The following UVRAG variants were observed in gnomAD, a reference collection of about 807,000 sequenced individuals.
UVRAG encodes the protein UV radiation resistance associated, also known as UV radiation resistance-associated gene protein.
In UVRAG, 19 loss-of-function variants were observed where a neutral mutation model predicts 78.0. The observed-to-expected ratio is 0.24, with a 90% CI of 0.17 to 0.36. The LOEUF (loss-of-function observed/expected upper bound fraction) is 0.36, where lower values mean the gene tolerates loss of function less well. Among genes scored for constraint, UVRAG ranks in the 10% least tolerant of loss-of-function variants. The probability of loss-of-function intolerance (pLI) is 1.00; values close to 1 mark genes in which losing one functional copy is unlikely to be tolerated. For missense variants in UVRAG, 740 were observed against 853.8 expected (o/e 0.87, Z 1.66); for synonymous variants, 323 against 324.6 (o/e 1.00, Z 0.05).
intron 7 of UVRAG, among the ~76,000 whole-genome samples, chr11:75,978,245 T>C (rs1949297634): frequency 6.6e-6 from 1 of 152,224 alleles, no homozygotes; most frequent in Admixed American, 6.5e-5. Flanking sequence ...CCGCTGTTAG[T>C]CTGATGGGCT....
At chr11:75,875,578 G>A (rs1480748662) in intron 3 of UVRAG, among the ~76,000 whole-genome samples, 2 of 144,580 alleles carry the variant, frequency 1.4e-5, no homozygotes, top group Admixed American at 6.9e-5. Context: ...TGCTAAATGC[G>A]TATCAGATCT....
At chr11:76,065,350 G>A (rs1434427440) in intron 12 of UVRAG, among the ~76,000 whole-genome samples, 1 of 152,164 alleles carries the variant, frequency 6.6e-6, no homozygotes. Flanking sequence ...AAGTTGAGAT[G>A]TCAGGTCCAA....
chr11:75,857,638 T>C (rs12223234), intron 2 of UVRAG, among the ~76,000 whole-genome samples: 30,161 of 151,894 alleles, frequency 0.2, 4,717 homozygotes, highest in African/African-American at 0.43. Context: ...TACAGGTGTA[T>C]GCCACCACGC....
At chr11:75,955,778 C>G (rs1948784634) in intron 6 of UVRAG, among the ~76,000 whole-genome samples, 2 of 152,150 alleles carry the variant, frequency 1.3e-5, no homozygotes, top group Admixed American at 1.3e-4. Flanking sequence ...AGTCCAGCTA[C>G]TCAGAAGGCT....
At chr11:75,908,712 CTTTTTTTTTTTTT>C (rs1024795820) in intron 5 of UVRAG, among the ~76,000 whole-genome samples, 7 of 45,452 alleles carry the variant, frequency 1.5e-4, no homozygotes, top group African/African-American at 5.2e-4. Flanking sequence ...TGGTTCTGGG[CTTTTTTTTTTTTT>C]TTTTTTTTTT....
Position 75,815,288 on chromosome 11 carries a change from C to T in UVRAG, c.-120C>T, listed in dbSNP as rs1044541721. On this transcript the variant is annotated 5_prime_UTR_variant, in exon 1 of 15. Transcript: ENST00000356136. ...GGCGGCGGCTACTGTCTGGGCTGAG[C>T]AGTAGTGCCTCTCGGGTGGCGGGTT... The T allele has an allele frequency of 3.9e-6, 2 of 509,810 alleles. No homozygotes were observed. The highest frequency in any genetic ancestry group is 6.3e-6 in the Non-Finnish European group (2 of 317,934). The allele number at this position is 509,810 out of a possible 1,614,324, so 31.6% of individuals were successfully genotyped here.
intron 10 of UVRAG, among the ~76,000 whole-genome samples, chr11:76,007,938 C>T (rs938546650): frequency 1.1e-4 from 17 of 150,818 alleles, no homozygotes; most frequent in African/African-American, 3.9e-4. Flanking sequence ...GACGGAGTTT[C>T]GCTCTGTCAC....
At chr11:76,046,983 A>G (rs1182067620) in intron 12 of UVRAG, among the ~76,000 whole-genome samples, 3 of 152,146 alleles carry the variant, frequency 2.0e-5, no homozygotes, top group African/African-American at 7.2e-5. Context: ...AAAAACATTG[A>G]TTTTTAAGTG....
At chr11:76,084,503 T>C (rs570663668) in intron 13 of UVRAG, among the ~76,000 whole-genome samples, 6 of 152,314 alleles carry the variant, frequency 3.9e-5, no homozygotes, top group Admixed American at 6.5e-5. Context: ...ATACATACTA[T>C]CATTTATTTT....
At chr11:75,998,177 C>T (rs942196213) in intron 8 of UVRAG, among the ~76,000 whole-genome samples, 13 of 152,192 alleles carry the variant, frequency 8.5e-5, no homozygotes, top group African/African-American at 2.9e-4. Context: ...TAGTTGTCAA[C>T]AGGACCAGCT....
chr11:76,007,647 T>C, intron 10 of UVRAG, 26 bp downstream of exon 10: 1 of 1,588,880 alleles, frequency 6.3e-7, no homozygotes, highest in Non-Finnish European at 8.6e-7. Context: ...TCTGAAAATA[T>C]TTTTCGTTTT....
In UVRAG at chr11:76,042,299, C is replaced by G. The variant is rs1950662237; in HGVS notation, c.1227-23411C>G. Reference sequence around the variant, plus strand: ...CTATGGAGTGAAAAAAAGTAAGTTGCAGAATGGTACGTATGGTTCATTGTT... The same window carrying G: ...CTATGGAGTGAAAAAAAGTAAGTTGGAGAATGGTACGTATGGTTCATTGTT... On this transcript the variant is annotated intron_variant, in intron 12 of 14. Coordinates refer to ENST00000356136, the MANE Select transcript of UVRAG (RefSeq NM_003369.4). Among the ~76,000 whole-genome samples, 3 of 152,050 alleles carry G rather than the reference C, an allele frequency of 2.0e-5. No homozygotes were observed. In the South Asian group the frequency reaches 6.2e-4, roughly 32 times the overall value.
Position 75,815,349 on chromosome 11 carries a change from G to GGGC in UVRAG, c.-50_-48dup. The GGGC allele has an allele frequency of 2.1e-6, 2 of 943,014 alleles. No individual in the cohort carries two copies. Among genetic ancestry groups the GGGC allele is most frequent in the Non-Finnish European group, 1.4e-6 (1 of 719,712 alleles). 58.4% of individuals were successfully genotyped at this position (943,014 alleles called of 1,614,324 possible). A position where few individuals can be genotyped will look rare whatever the true frequency, so the allele number is the denominator to read the frequency against. ...AGGGGCTTGGTAGGTGGTGGCAAGG[G>GGGC]GGCGGCGGCGGATGCCGGAAGAGTG... On this transcript the variant is annotated 5_prime_UTR_variant, in exon 1 of 15. Transcript: ENST00000356136.
chr11:75,896,190 C>T (rs182448422), intron 5 of UVRAG, among the ~76,000 whole-genome samples: 1 of 152,044 alleles, frequency 6.6e-6, no homozygotes, highest in East Asian at 1.9e-4. Context: ...CTTTGTTATA[C>T]CTTGAAGTTG....
intron 5 of UVRAG, among the ~76,000 whole-genome samples, chr11:75,908,360 T>C (rs1196671441): frequency 1.3e-5 from 2 of 152,240 alleles, no homozygotes; most frequent in Non-Finnish European, 2.9e-5. Flanking sequence ...TTGGCTATTG[T>C]AAATAATGCT....
intron 6 of UVRAG, among the ~76,000 whole-genome samples, chr11:75,958,937 C>T (rs1948859075): frequency 6.6e-6 from 1 of 152,154 alleles, no homozygotes; most frequent in Non-Finnish European, 1.5e-5. Flanking sequence ...CTTGGGTGAC[C>T]AGGTTCATTG....
At chr11:76,015,362 T>G (rs767339701) in intron 11 of UVRAG, among the ~76,000 whole-genome samples, 27 of 152,114 alleles carry the variant, frequency 1.8e-4, no homozygotes, top group Admixed American at 6.6e-5. Context: ...GTTATATTAA[T>G]GTTTAACAAT....
In UVRAG at chr11:76,003,935, T is replaced by G; in HGVS notation, c.827-70T>G. ...TCCCTCTCACAGTCAGGGATTTGGCTTGGCCTCTTTGGTTGTGATTGAGTA... is the reference window on the plus strand; with the variant it reads ...TCCCTCTCACAGTCAGGGATTTGGCGTGGCCTCTTTGGTTGTGATTGAGTA... On this transcript the variant is annotated intron_variant, in intron 8 of 14. Transcript: ENST00000356136. 7 of 1,415,020 alleles carry G rather than the reference T, an allele frequency of 4.9e-6. 1 individual carries two copies. In the South Asian group the frequency reaches 8.1e-5, roughly 16 times the overall value. 87.7% of individuals were successfully genotyped at this position (1,415,020 alleles called of 1,614,324 possible). A position where few individuals can be genotyped will look rare whatever the true frequency, so the allele number is the denominator to read the frequency against.
chr11:76,051,577 GA>G (rs1950869535), intron 12 of UVRAG, among the ~76,000 whole-genome samples: 1 of 152,032 alleles, frequency 6.6e-6, no homozygotes, highest in Non-Finnish European at 1.5e-5. Context: ...AAGGAGGGGG[GA>G]TTATTTTTAA....
Sources: allele counts gnomAD v4.1 joint callset (sites outside exome capture counted in the v4.1 genomes callset), GRCh38; gene constraint gnomAD v4.1.1; transcripts MANE v1.5; gene names NCBI Gene and HGNC (gene_info 2026-07-23, HGNC 2026-07-21).